ATF7IP: variants seen among roughly 807,000 people sequenced by gnomAD.
The protein encoded by ATF7IP is activating transcription factor 7 interacting protein, also known as activating transcription factor 7-interacting protein 1.
ATF7IP carries 23 observed loss-of-function variants against 106.4 expected under a neutral mutation model. That is an observed-to-expected ratio of 0.22 (90% CI 0.16 to 0.31). ATF7IP has a LOEUF of 0.31. ATF7IP is among the 10% of genes least tolerant of loss of function. The probability of loss-of-function intolerance (pLI) is 1.00; values close to 1 mark genes in which losing one functional copy is unlikely to be tolerated. For missense variants in ATF7IP, 1,334 were observed against 1,524.3 expected, an observed-to-expected ratio of 0.88 and a Z score of 2.08; for synonymous variants, 542 against 539.0, an observed-to-expected ratio of 1.01 and a Z score of -0.08.
intron 13 of ATF7IP, chr12:14,481,386 T>C (rs1222309403): frequency 1.0e-5 from 6 of 601,622 alleles, no homozygotes; most frequent in Non-Finnish European, 1.7e-5. Context: ...TTCTTGAAAA[T>C]AGCTGATAGA....
intron 1 of ATF7IP, among the ~76,000 whole-genome samples, chr12:14,412,521 C>T (rs1454004445): frequency 2.0e-5 from 3 of 152,142 alleles, no homozygotes; most frequent in Non-Finnish European, 4.4e-5. Flanking sequence ...TTTGATATTA[C>T]TCTAAATGAG....
rs562512698 is a variant in ATF7IP, at chr12:14,489,634, C to T, written c.3281-6597C>T. On this transcript the variant is annotated intron_variant, in intron 13 of 14. Coordinates refer to ENST00000261168, the MANE Select transcript of ATF7IP (RefSeq NM_018179.5). The stretch of plus-strand genomic sequence containing the variant: ...ATACATGGCCTTCTGGAGAATTTTG[C>T]CCCAGACTTGCAAAGTATTGTCACC... Among the ~76,000 whole-genome samples, 48 of 152,218 alleles carry T rather than the reference C, an allele frequency of 3.2e-4. No individual in the cohort carries two copies. In the South Asian group the frequency reaches 9.5e-3, roughly 30 times the overall value.
At chr12:14,440,581 ATC>A (rs1484493339) in intron 5 of ATF7IP, among the ~76,000 whole-genome samples, 1 of 152,044 alleles carries the variant, frequency 6.6e-6, no homozygotes, top group Non-Finnish European at 1.5e-5. Flanking sequence ...ATTTAATTCC[ATC>A]TCTTTGTGTC....
intron 1 of ATF7IP, among the ~76,000 whole-genome samples, chr12:14,419,730 T>C (rs762224709): frequency 1.3e-5 from 2 of 152,158 alleles, no homozygotes; most frequent in Non-Finnish European, 2.9e-5. Context: ...ACCCTTAACA[T>C]AATGTTTTGT....
chr12:14,459,825 C>G (rs1182057287), intron 8 of ATF7IP, among the ~76,000 whole-genome samples: 1 of 152,112 alleles, frequency 6.6e-6, no homozygotes, highest in East Asian at 1.9e-4. Flanking sequence ...AACTAGTGAC[C>G]AGCATTTGTA....
intron 1 of ATF7IP, among the ~76,000 whole-genome samples, chr12:14,417,659 G>A (rs1396166409): frequency 4.6e-5 from 7 of 152,220 alleles, no homozygotes; most frequent in African/African-American, 1.2e-4. Context: ...TTCTTGAAAT[G>A]TTCATGGATA....
intron 14 of ATF7IP, among the ~76,000 whole-genome samples, chr12:14,496,550 T>A (rs1945018075): frequency 6.6e-6 from 1 of 152,242 alleles, no homozygotes; most frequent in South Asian, 2.1e-4. Flanking sequence ...TTGAGTTTGC[T>A]TGTGGTGTAC....
chr12:14,401,358 G>A (rs61922677), intron 1 of ATF7IP, among the ~76,000 whole-genome samples: 31 of 151,970 alleles, frequency 2.0e-4, no homozygotes, highest in Admixed American at 1.6e-3. Flanking sequence ...CACCACGCCC[G>A]GCTAATTTTT....
Position 14,498,218 on chromosome 12 carries a change from A to C in ATF7IP, c.*145A>C. 1.3e-6 allele frequency: 1 copy of C among 757,894 alleles called. No individual in the cohort carries two copies. Among genetic ancestry groups the C allele is most frequent in the Non-Finnish European group, 2.1e-6 (1 of 479,860 alleles). The allele number at this position is 757,894 out of a possible 1,614,324, so 46.9% of individuals were successfully genotyped here. A position where few individuals can be genotyped will look rare whatever the true frequency, so the allele number is the denominator to read the frequency against. ...GTATACACTACATTTGTTTATAACC[A>C]GAAGCAAAATAAACTCAGCCCACAA... On this transcript the variant is annotated 3_prime_UTR_variant, in exon 15 of 15. Transcript: ENST00000261168.
intron 1 of ATF7IP, among the ~76,000 whole-genome samples, chr12:14,380,164 A>G (rs1938938804): frequency 6.6e-6 from 1 of 151,836 alleles, no homozygotes; most frequent in Admixed American, 6.6e-5. Flanking sequence ...TTCCTTTTCT[A>G]TAGCATTCTA....
chr12:14,494,415 G>A (rs1306664587), intron 13 of ATF7IP, among the ~76,000 whole-genome samples: 1 of 132,666 alleles, frequency 7.5e-6, no homozygotes, highest in East Asian at 2.2e-4. Context: ...AAACTAATAG[G>A]ATATATATAT....
Position 14,369,878 on chromosome 12 carries a change from T to C in ATF7IP, c.-8+4051T>C, listed in dbSNP as rs556730699. 4.9e-4 allele frequency among the ~76,000 whole-genome samples: 75 copies of C among 152,204 alleles called. 1 individual carries two copies. The highest frequency in any genetic ancestry group is 1.0e-3 in the Non-Finnish European group (69 of 68,010). On this transcript the variant is annotated intron_variant, in intron 1 of 14. Coordinates refer to ENST00000261168, the MANE Select transcript of ATF7IP (RefSeq NM_018179.5). ...GGTATATTTAACCTGGGGTCCATTGTCCTCTAGGGGTTCCACCGATCCCTT... is the reference window on the plus strand; with the variant it reads ...GGTATATTTAACCTGGGGTCCATTGCCCTCTAGGGGTTCCACCGATCCCTT...
chr12:14,493,455 G>A (rs1268903780), intron 13 of ATF7IP, among the ~76,000 whole-genome samples: 2 of 152,140 alleles, frequency 1.3e-5, no homozygotes, highest in Non-Finnish European at 2.9e-5. Flanking sequence ...CATGGCAACT[G>A]CCTCAGGGGA....
chr12:14,457,350 T>C (rs1446771717), intron 8 of ATF7IP, 55 bp downstream of exon 8: 2 of 1,259,228 alleles, frequency 1.6e-6, no homozygotes, highest in Non-Finnish European at 2.2e-6. Context: ...AAGGCTTTGG[T>C]TCTCTTTTCT....
At chr12:14,400,519 T>C (rs1940134232) in intron 1 of ATF7IP, among the ~76,000 whole-genome samples, 1 of 152,210 alleles carries the variant, frequency 6.6e-6, no homozygotes, top group Admixed American at 6.5e-5. Context: ...TTTGCACTAT[T>C]AATTGCAAGA....
At chr12:14,466,705 T>C (rs1351715760) in intron 10 of ATF7IP, 115 bp downstream of exon 10, 4 of 791,702 alleles carry the variant, frequency 5.1e-6, no homozygotes, top group Non-Finnish European at 8.1e-6. Context: ...TTTATAACTA[T>C]CCAAACATTG....
chr12:14,442,255 A>G (rs766539524), intron 5 of ATF7IP, among the ~76,000 whole-genome samples: 20 of 152,182 alleles, frequency 1.3e-4, no homozygotes, highest in Non-Finnish European at 2.5e-4. Flanking sequence ...TTCAATTAAT[A>G]TCTACTTATT....
chr12:14,458,045 G>A (rs12826323), intron 8 of ATF7IP, among the ~76,000 whole-genome samples: 3,006 of 151,628 alleles, frequency 0.02, 32 homozygotes, highest in Middle Eastern at 0.031. Flanking sequence ...GCGGTGAGCC[G>A]AGATCACGCC....
intron 1 of ATF7IP, among the ~76,000 whole-genome samples, chr12:14,370,651 A>G (rs1938494729): frequency 6.6e-6 from 1 of 152,038 alleles, no homozygotes; most frequent in Admixed American, 6.6e-5. Context: ...AAAAAGCACT[A>G]TTTCCTAGGA....
Sources: allele counts gnomAD v4.1 joint callset (sites outside exome capture counted in the v4.1 genomes callset), GRCh38; gene constraint gnomAD v4.1.1; transcripts MANE v1.5; gene names NCBI Gene and HGNC (gene_info 2026-07-23, HGNC 2026-07-21).